Variants in MAGED1 observed in about 807,000 individuals in gnomAD.
MAGED1 encodes MAGE family member D1, also known as melanoma-associated antigen D1.
A neutral mutation model predicts 54.1 loss-of-function variants in MAGED1; 3 were observed. The observed-to-expected ratio is 0.06, with a 90% CI of 0.03 to 0.14. MAGED1 has a LOEUF of 0.14. MAGED1 is among the 10% of genes least tolerant of loss of function. The probability of loss-of-function intolerance (pLI) is 1.00; values close to 1 mark genes in which losing one functional copy is unlikely to be tolerated. For synonymous variants in MAGED1, 217 were observed against 227.3 expected, an observed-to-expected ratio of 0.95 and a Z score of 0.41; for missense variants, 485 against 623.4, an observed-to-expected ratio of 0.78 and a Z score of 2.36.
intron 1 of MAGED1, among the ~76,000 whole-genome samples, chrX:51,819,901 T>G (rs1232011163): frequency 8.9e-6 from 1 of 112,097 alleles, no homozygotes; most frequent in Non-Finnish European, 1.9e-5. Context: ...TTTACACCTA[T>G]GCTTTCTTCT....
At chrX:51,824,704 CTGTGTGTG>C (rs149180361) in intron 1 of MAGED1, among the ~76,000 whole-genome samples, 6 of 90,420 alleles carry the variant, frequency 6.6e-5, no homozygotes, top group Middle Eastern at 6.2e-3. Flanking sequence ...TATATTGTCT[CTGTGTGTG>C]TGTGTGTGTG....
chrX:51,814,785 T>A (rs186839564), intron 1 of MAGED1, among the ~76,000 whole-genome samples: 211 of 109,398 alleles, frequency 1.9e-3, no homozygotes, highest in African/African-American at 6.7e-3. Flanking sequence ...GTAGTACCAG[T>A]CATATAAAAC....
chrX:51,845,580 G>A (rs1281129952), intron 1 of MAGED1, among the ~76,000 whole-genome samples: 1 of 111,298 alleles, frequency 9.0e-6, no homozygotes, highest in African/African-American at 3.3e-5. Context: ...ACTGATGGAG[G>A]TGAATTTTTC....
chrX:51,892,493 G>GT (rs1557363586), upstream of MAGED1, among the ~76,000 whole-genome samples: 1 of 112,116 alleles, frequency 8.9e-6, no homozygotes, highest in Admixed American at 9.4e-5. Context: ...CACCAGGAAG[G>GT]CCTCAGGGAC....
Position 51,841,191 on chromosome X carries a change from A to G in MAGED1, c.-37+38074A>G, listed in dbSNP as rs1926461214. ...TGCATTTCTCTGATGGCCAGTGATG[A>G]TGAGCATTTCTTCATGTGTGTTTTG... On this transcript the variant is annotated intron_variant, in intron 1 of 12. Transcript: ENST00000375772. 5.4e-5 allele frequency among the ~76,000 whole-genome samples: 6 copies of G among 110,417 alleles called. No homozygotes were observed. The South Asian group carries it at 2.4e-3, about 44-fold the overall frequency.
intron 1 of MAGED1, among the ~76,000 whole-genome samples, chrX:51,836,878 A>G (rs782762673): frequency 7.2e-5 from 8 of 111,587 alleles, no homozygotes; most frequent in African/African-American, 2.0e-4. Flanking sequence ...CTGGCAATGT[A>G]TACGCTGTTG....
upstream of MAGED1, among the ~76,000 whole-genome samples, chrX:51,891,771 T>C (rs377458743): frequency 6.2e-5 from 7 of 112,001 alleles, no homozygotes; most frequent in Admixed American, 3.8e-4. Flanking sequence ...GAGATATCCA[T>C]TTGGAGAAGT....
upstream of MAGED1, among the ~76,000 whole-genome samples, chrX:51,891,576 A>G (rs1355531183): frequency 8.9e-6 from 1 of 112,606 alleles, no homozygotes; most frequent in Non-Finnish European, 1.9e-5. Flanking sequence ...GGATATAAAA[A>G]TGTGCCAGGC....
intron 1 of MAGED1, among the ~76,000 whole-genome samples, chrX:51,880,661 CG>C (rs1261145989): frequency 9.0e-6 from 1 of 111,375 alleles, no homozygotes; most frequent in Non-Finnish European, 1.9e-5. Flanking sequence ...TAGAAAACCA[CG>C]GTGGTCTTAT....
chrX:51,872,098 C>T (rs1213827801), intron 1 of MAGED1, among the ~76,000 whole-genome samples: 1 of 111,580 alleles, frequency 9.0e-6, no homozygotes, highest in Admixed American at 9.5e-5. Context: ...CTGTTCATAT[C>T]CTTCGCCCAC....
intron 1 of MAGED1, among the ~76,000 whole-genome samples, chrX:51,821,228 A>G (rs1319641039): frequency 9.0e-6 from 1 of 111,293 alleles, no homozygotes; most frequent in African/African-American, 3.3e-5. Context: ...ACAAATAGAG[A>G]TAGTTGTACT....
At chrX:51,828,326 A>G (rs1306824388) in intron 1 of MAGED1, among the ~76,000 whole-genome samples, 1 of 111,847 alleles carries the variant, frequency 8.9e-6, no homozygotes, top group Non-Finnish European at 1.9e-5. Context: ...TGCTACAGTC[A>G]TTTCATACAT....
rs781850559 is a variant in MAGED1, at chrX:51,896,900, TTGGCCACTTCCCACTGAC to T, written c.1254_1271del (p.Thr420_Pro425del). 3.3e-6 allele frequency: 4 copies of T among 1,205,372 alleles called. No individual in the cohort carries two copies. The highest frequency in any genetic ancestry group is 2.2e-5 in the Admixed American group (1 of 45,493). ...CACCCGACTGGCCACTGCCACCTGA[TTGGCCACTTCCCACTGAC>T]TGGCCACTACCACCTGACTGGATCC... On this transcript the variant is annotated inframe_deletion, in exon 4 of 13. Coordinates refer to ENST00000326587, the MANE Select transcript of MAGED1 (RefSeq NM_006986.4).
chrX:51,845,773 GT>G (rs1466768571), intron 1 of MAGED1, among the ~76,000 whole-genome samples: 1 of 110,681 alleles, frequency 9.0e-6, no homozygotes, highest in Non-Finnish European at 1.9e-5. Flanking sequence ...TGATGTGAAT[GT>G]TTTGTTTTGT....
chrX:51,822,509 C>T lies in MAGED1; in HGVS notation c.-37+19392C>T, dbSNP rs185139167. On this transcript the variant is annotated intron_variant, in intron 1 of 12. Transcript: ENST00000375772. Reference sequence around the variant, plus strand: ...TCATTGATGGCTCTCTATTATTTTTCGATTCTCTATGTCATTTATTTACTC... The same window carrying T: ...TCATTGATGGCTCTCTATTATTTTTTGATTCTCTATGTCATTTATTTACTC... 5.7e-3 allele frequency among the ~76,000 whole-genome samples: 628 copies of T among 110,088 alleles called. 2 individuals carry two copies. Among genetic ancestry groups the T allele is most frequent in the Non-Finnish European group, 9.9e-3 (523 of 52,658 alleles).
At chrX:51,811,555 G>A (rs1240313660) in intron 1 of MAGED1, among the ~76,000 whole-genome samples, 1 of 111,375 alleles carries the variant, frequency 9.0e-6, no homozygotes, top group Non-Finnish European at 1.9e-5. Flanking sequence ...AGGTGAAGGG[G>A]TGTTCTAGAA....
intron 1 of MAGED1, among the ~76,000 whole-genome samples, chrX:51,823,148 G>A (rs1925706426): frequency 8.9e-6 from 1 of 111,870 alleles, no homozygotes; most frequent in Non-Finnish European, 1.9e-5. Flanking sequence ...ACTGGGTTAA[G>A]TGTTCTATAG....
chrX:51,859,509 C>G (rs1399551994), intron 1 of MAGED1, among the ~76,000 whole-genome samples: 1 of 111,949 alleles, frequency 8.9e-6, no homozygotes, highest in Non-Finnish European at 1.9e-5. Flanking sequence ...GAATGGTATT[C>G]TGCAGAATCA....
chrX:51,848,904 C>CT (rs1319303208), intron 1 of MAGED1, among the ~76,000 whole-genome samples: 7 of 102,401 alleles, frequency 6.8e-5, no homozygotes, highest in African/African-American at 1.4e-4. Flanking sequence ...TTTTTTTTCT[C>CT]TTTTTTTTTC....
Sources: gnomAD v4.1 joint callset for allele counts (sites outside exome capture counted in the v4.1 genomes callset) on GRCh38, gnomAD v4.1.1 for gene constraint, MANE v1.5 for transcripts, NCBI Gene and HGNC (gene_info 2026-07-23, HGNC 2026-07-21) for gene names.